NWD2: variants seen among roughly 807,000 people sequenced by gnomAD.
The protein encoded by NWD2 is NACHT and WD repeat domain-containing protein 2.
Under a neutral mutation model 132.7 loss-of-function variants are expected in NWD2, and 37 were observed. The observed-to-expected ratio is 0.28, with a 90% CI of 0.21 to 0.37. The LOEUF is 0.37. Among genes scored for constraint, NWD2 ranks in the 10% least tolerant of loss-of-function variants. NWD2 has a pLI of 1.00. For missense variants in NWD2, 1,592 were observed against 2,122.4 expected, an observed-to-expected ratio of 0.75 and a Z score of 4.91; for synonymous variants, 705 against 803.0, an observed-to-expected ratio of 0.88 and a Z score of 2.06.
At position 37,311,663 on chromosome 4, in the gene NWD2, C is replaced by T. The variant is rs1352831827; in HGVS notation, c.152-14273C>T. ...ATTAGATCCCATTTGTCAATTTTGG[C>T]TTTTGTTGCTTTTGGTGTTTTAAAC... On this transcript the variant is annotated intron_variant, in intron 1 of 6. Transcript: ENST00000309447. 1.4e-5 allele frequency among the ~76,000 whole-genome samples: 2 copies of T among 144,524 alleles called. 1 individual carries two copies. The highest frequency in any genetic ancestry group is 5.7e-5 in the African/African-American group (2 of 34,802). 94.8% of individuals were successfully genotyped at this position (144,524 alleles called of 152,430 possible).
chr4:37,412,984 A>T (rs967796168), intron 3 of NWD2, among the ~76,000 whole-genome samples: 1 of 151,974 alleles, frequency 6.6e-6, no homozygotes, highest in African/African-American at 2.4e-5. Context: ...AATGGATCAA[A>T]GACTTAAACG....
At chr4:37,350,730 A>G (rs1260886296) in intron 2 of NWD2, among the ~76,000 whole-genome samples, 2 of 152,154 alleles carry the variant, frequency 1.3e-5, no homozygotes, top group African/African-American at 4.8e-5. Context: ...GTTGAATAGG[A>G]GTGATGAAAA....
Position 37,244,793 on chromosome 4 carries a change from T to C in NWD2, c.-275T>C. On this transcript the variant is annotated 5_prime_UTR_variant, in exon 1 of 7. Transcript: ENST00000309447. This position sits in a 1 kb window ranked among gnomAD's most constrained non-coding sequence, Gnocchi z 5.5. ...CGCCACGCTGACCTCCCGCTCCAGCTGGCTGCTGCTCGGAGCCCTAGCAGC... is the reference window on the plus strand; with the variant it reads ...CGCCACGCTGACCTCCCGCTCCAGCCGGCTGCTGCTCGGAGCCCTAGCAGC... 1 of 386,522 alleles carries C rather than the reference T, an allele frequency of 2.6e-6. No individual in the cohort carries two copies. Among genetic ancestry groups the C allele is most frequent in the Non-Finnish European group, 4.6e-6 (1 of 216,446 alleles). 23.9% of individuals were successfully genotyped at this position (386,522 alleles called of 1,614,324 possible). A position where few individuals can be genotyped will look rare whatever the true frequency, so the allele number is the denominator to read the frequency against.
At position 37,444,640 on chromosome 4, in the gene NWD2, G is replaced by A. The variant is rs150067567; in HGVS notation, c.2652G>A (p.Ser884=). 26 of 1,552,126 alleles carry A rather than the reference G, an allele frequency of 1.7e-5. No individual in the cohort carries two copies. Among genetic ancestry groups the A allele is most frequent in the Admixed American group, 1.4e-4 (7 of 50,982 alleles). ...ACATTGAGCTGGCTTACAACTACTCGCAAGAGAAGGAGCTGAAGTTCCTGG... is the reference window on the plus strand; with the variant it reads ...ACATTGAGCTGGCTTACAACTACTCACAAGAGAAGGAGCTGAAGTTCCTGG... ...LSDIELAYNY[S]QEKELKFLAN... is the part of the protein sequence containing the mutation. The change falls in exon 7 of 7, where the codon TCG becomes TCA. Residue 884 remains serine (S), a synonymous_variant. Coordinates refer to ENST00000309447, the MANE Select transcript of NWD2 (RefSeq NM_001144990.2). This position sits in a 1 kb window ranked among gnomAD's most constrained non-coding sequence, Gnocchi z 4.8.
chr4:37,327,532 G>A (rs1199989556), intron 2 of NWD2, among the ~76,000 whole-genome samples: 3 of 152,082 alleles, frequency 2.0e-5, no homozygotes, highest in Non-Finnish European at 4.4e-5. Flanking sequence ...ACGGGTACTG[G>A]GAGTGACTGA....
chr4:37,260,990 G>A (rs1717624987), intron 1 of NWD2, among the ~76,000 whole-genome samples: 1 of 152,150 alleles, frequency 6.6e-6, no homozygotes, highest in South Asian at 2.1e-4. Context: ...CTGACTCAGT[G>A]ACCTTAAACA....
chr4:37,352,610 G>A (rs1213088926), intron 2 of NWD2, among the ~76,000 whole-genome samples: 1 of 152,154 alleles, frequency 6.6e-6, no homozygotes, highest in Non-Finnish European at 1.5e-5. Context: ...TTACCATTAT[G>A]TAATGCCCTT....
At chr4:37,434,575 G>T (rs111730139) in intron 5 of NWD2, among the ~76,000 whole-genome samples, 8,423 of 152,218 alleles carry the variant, frequency 0.055, 334 homozygotes, top group Non-Finnish European at 0.086. Context: ...ACTGATAAAG[G>T]ATGTGGGGAT....
chr4:37,286,649 G>A (rs559591927), intron 1 of NWD2, among the ~76,000 whole-genome samples: 1 of 152,186 alleles, frequency 6.6e-6, no homozygotes, highest in Non-Finnish European at 1.5e-5. Context: ...GTGTGCACTT[G>A]AGCAAGTTAC....
chr4:37,255,677 C>T (rs983097826), intron 1 of NWD2, among the ~76,000 whole-genome samples: 1 of 152,124 alleles, frequency 6.6e-6, no homozygotes, highest in African/African-American at 2.4e-5. Context: ...CTGGCAAAAA[C>T]AATAGGATCC....
intron 1 of NWD2, among the ~76,000 whole-genome samples, chr4:37,311,474 T>A (rs948361336): frequency 9.9e-5 from 15 of 151,130 alleles, no homozygotes; most frequent in Non-Finnish European, 1.9e-4. Context: ...CACTTTTTGA[T>A]GGGGTTGTTT....
chr4:37,435,707 G>A (rs2109327922), intron 5 of NWD2, among the ~76,000 whole-genome samples: 1 of 152,116 alleles, frequency 6.6e-6, no homozygotes, highest in Admixed American at 6.5e-5. Context: ...ACTTGTCCTA[G>A]CTTTCCCCAC....
In NWD2 at chr4:37,318,612, C is replaced by T. The variant is rs115622344; in HGVS notation, c.152-7324C>T. Among the ~76,000 whole-genome samples the T allele has an allele frequency of 3.1e-3, 467 of 152,134 alleles. 2 individuals carry two copies. The highest frequency in any genetic ancestry group is 0.011 in the African/African-American group (445 of 41,488). On this transcript the variant is annotated intron_variant, in intron 1 of 6. Coordinates refer to ENST00000309447, the MANE Select transcript of NWD2 (RefSeq NM_001144990.2). ...CCTCCCTACCTCCCCCACAGAAGTC[C>T]TCAATTTCTGTTGTTGCCATCTTTA... is the stretch of plus-strand genomic sequence containing the variant.
At chr4:37,353,590 A>G (rs1211216936) in intron 2 of NWD2, among the ~76,000 whole-genome samples, 1 of 151,792 alleles carries the variant, frequency 6.6e-6, no homozygotes, top group African/African-American at 2.4e-5. Flanking sequence ...TATTTCATTA[A>G]GTTGATCTTC....
At position 37,273,776 on chromosome 4, in the gene NWD2, T is replaced by C. The variant is rs971588553; in HGVS notation, c.151+28558T>C. Among the ~76,000 whole-genome samples, 5 of 152,076 alleles carry C rather than the reference T, an allele frequency of 3.3e-5. No homozygotes were observed. In the East Asian group the frequency reaches 5.8e-4, roughly 18 times the overall value. Reference sequence around the variant, plus strand: ...CAAACTAAACTCAGGATTAAGAAACTCACTCAAAACAGCTCAACTACATGG... The same window carrying C: ...CAAACTAAACTCAGGATTAAGAAACCCACTCAAAACAGCTCAACTACATGG... On this transcript the variant is annotated intron_variant, in intron 1 of 6. Transcript: ENST00000309447.
At chr4:37,388,150 T>C (rs1297337921) in intron 3 of NWD2, among the ~76,000 whole-genome samples, 1 of 152,102 alleles carries the variant, frequency 6.6e-6, no homozygotes, top group Non-Finnish European at 1.5e-5. Flanking sequence ...AGTTAATAGA[T>C]GTAAAGTGCT....
intron 4 of NWD2, among the ~76,000 whole-genome samples, chr4:37,431,046 AC>A (rs943960989): frequency 6.6e-6 from 1 of 152,134 alleles, no homozygotes; most frequent in Non-Finnish European, 1.5e-5. Flanking sequence ...AGAAAAAGGA[AC>A]CCTGTTACAC....
chr4:37,407,628 T>C (rs1019920870), intron 3 of NWD2, among the ~76,000 whole-genome samples: 5 of 152,192 alleles, frequency 3.3e-5, no homozygotes, highest in African/African-American at 9.7e-5. Flanking sequence ...AGACAATGTA[T>C]AGACTTCACC....
intron 1 of NWD2, among the ~76,000 whole-genome samples, chr4:37,265,289 C>T (rs1717725907): frequency 6.6e-6 from 1 of 152,034 alleles, no homozygotes; most frequent in Non-Finnish European, 1.5e-5. Flanking sequence ...TAAAGACACA[C>T]AGAAGTATGA....
Sources: allele counts gnomAD v4.1 joint callset (sites outside exome capture counted in the v4.1 genomes callset), GRCh38; gene constraint gnomAD v4.1.1; non-coding constraint Gnocchi (gnomAD v3.1); transcripts MANE v1.5; gene names NCBI Gene and HGNC (gene_info 2026-07-23, HGNC 2026-07-21).